The following EXOSC7 variants were observed in gnomAD, a reference collection of about 807,000 sequenced individuals.
The protein encoded by EXOSC7 is exosome component 7, also known as exosome complex component RRP42.
Under a neutral mutation model 34.3 loss-of-function variants are expected in EXOSC7, and 25 were observed. The ratio of observed to expected loss-of-function variants is 0.73; its 90% CI spans 0.53 to 1.02. The LOEUF is 1.02. Ranked by LOEUF, EXOSC7 falls within the 50% of genes least tolerant of loss-of-function variation. EXOSC7 has a pLI of 0.00. For synonymous variants in EXOSC7, 130 were observed against 143.0 expected (o/e 0.91, Z 0.65); for missense variants, 370 against 368.5 (o/e 1.00, Z -0.03).
chr3:44,987,270 A>G (rs1431378061), intron 1 of EXOSC7, among the ~76,000 whole-genome samples: 3 of 152,242 alleles, frequency 2.0e-5, no homozygotes, highest in Non-Finnish European at 4.4e-5. Flanking sequence ...AAATAGCATA[A>G]TACGGAGGAG....
chr3:44,987,576 C>A (rs1238307766), intron 1 of EXOSC7, among the ~76,000 whole-genome samples: 1 of 152,170 alleles, frequency 6.6e-6, no homozygotes, highest in African/African-American at 2.4e-5. Context: ...AAAAAAGTTA[C>A]AAGTTACAAA....
intron 1 of EXOSC7, among the ~76,000 whole-genome samples, chr3:44,979,942 TA>T (rs1360001423): frequency 2.0e-5 from 3 of 151,490 alleles, no homozygotes; most frequent in African/African-American, 7.3e-5. Flanking sequence ...TCTAGAGCAG[TA>T]TGGGGGGGGT....
chr3:45,002,743 A>G (rs1706916521), intron 5 of EXOSC7, among the ~76,000 whole-genome samples: 1 of 152,178 alleles, frequency 6.6e-6, no homozygotes, highest in African/African-American at 2.4e-5. Flanking sequence ...TTTAGAGCAG[A>G]CAAAAATTGC....
chr3:44,989,621 C>G lies in EXOSC7; in HGVS notation c.231C>G (p.Gly77=). The G allele has an allele frequency of 1.2e-6, 2 of 1,613,510 alleles. No homozygotes were observed. Reference sequence around the variant, plus strand: ...CGAAGCTGGAGAAACCAAATGAAGGCTACTTGGAGTTCTTTGTTGACTGGT... The same window carrying G: ...CGAAGCTGGAGAAACCAAATGAAGGGTACTTGGAGTTCTTTGTTGACTGGT... ...GTPKLEKPNE[G]YLEFFVDCSA... The change falls in exon 3 of 8, where the codon GGC becomes GGG. Residue 77 remains glycine, a synonymous_variant. Transcript: ENST00000265564.
At chr3:44,993,672 T>G (rs144415103) in intron 3 of EXOSC7, among the ~76,000 whole-genome samples, 1 of 152,242 alleles carries the variant, frequency 6.6e-6, no homozygotes, top group African/African-American at 2.4e-5. Context: ...GAGGGACTGG[T>G]CATGCTTTAT....
chr3:45,003,457 AC>A (rs896981587), intron 5 of EXOSC7, among the ~76,000 whole-genome samples: 5 of 152,274 alleles, frequency 3.3e-5, no homozygotes, highest in African/African-American at 1.2e-4. Context: ...GAAGACCCTT[AC>A]AGAACTCCTT....
chr3:44,991,494 T>C (rs1158686534), intron 3 of EXOSC7, among the ~76,000 whole-genome samples: 1 of 152,220 alleles, frequency 6.6e-6, no homozygotes, highest in Non-Finnish European at 1.5e-5. Context: ...CTTTTTCATC[T>C]CCTTCATTAC....
At chr3:44,994,445 A>G (rs1706661315) in intron 3 of EXOSC7, among the ~76,000 whole-genome samples, 1 of 151,338 alleles carries the variant, frequency 6.6e-6, no homozygotes, top group Admixed American at 6.6e-5. Context: ...TCTATTAGTT[A>G]TATGTGGCCC....
In EXOSC7 at chr3:44,977,477, A is replaced by G. The variant is rs559621252; in HGVS notation, c.57+1143A>G. ...CCTGCCGTTATCTTCTGGGCCCTTT[A>G]TATATGAAGAAATGCCAATATTTAG... On this transcript the variant is annotated intron_variant, in intron 1 of 7. Transcript: ENST00000265564. The G allele has an allele frequency of 3.3e-5, 5 of 152,314 alleles. No individual in the cohort carries two copies. In the South Asian group the frequency reaches 1.0e-3, roughly 32 times the overall value. 9.4% of individuals were successfully genotyped at this position (152,314 alleles called of 1,614,324 possible). A position where few individuals can be genotyped will look rare whatever the true frequency, so the allele number is the denominator to read the frequency against.
chr3:45,007,406 C>T lies in EXOSC7; in HGVS notation c.616-14C>T, dbSNP rs757529780. 1 of 1,613,838 alleles carries T rather than the reference C, an allele frequency of 6.2e-7. No individual in the cohort carries two copies. Among genetic ancestry groups the T allele is most frequent in the South Asian group, 1.1e-5 (1 of 90,954 alleles). ...TGCGTGACCCACCGTGTGCCACGCA[C>T]CCTGCCTTTGCAGATTGGCTATCGG... On this transcript the variant is annotated splice_polypyrimidine_tract_variant and intron_variant, in intron 6 of 7. Transcript: ENST00000265564.
rs117715243 is a variant in EXOSC7, at chr3:44,994,947, C to T, written c.255-2140C>T. Among the ~76,000 whole-genome samples, 78 of 144,974 alleles carry T rather than the reference C, an allele frequency of 5.4e-4. 5 individuals are homozygous for T. In the East Asian group the frequency reaches 0.015, roughly 27 times the overall value. On this transcript the variant is annotated intron_variant, in intron 3 of 7. Transcript: ENST00000265564. ...AATAGGTAAAAATTTCCACTTTAAC[C>T]CAGTGTCAAAAAAAAACCAGTGGGG... is the stretch of plus-strand genomic sequence containing the variant.
downstream of EXOSC7, chr3:45,012,197 C>T (rs1391867376): frequency 6.6e-6 from 1 of 152,106 alleles, no homozygotes; most frequent in East Asian, 1.9e-4. Context: ...ACTGAAACTC[C>T]TAAATCTTAA....
At chr3:44,986,508 C>A (rs776591002) in intron 1 of EXOSC7, among the ~76,000 whole-genome samples, 2 of 152,222 alleles carry the variant, frequency 1.3e-5, no homozygotes, top group African/African-American at 4.8e-5. Context: ...GCTGAGGGAG[C>A]CGGCTCCCAC....
chr3:44,985,913 T>A (rs1706397426), intron 1 of EXOSC7, among the ~76,000 whole-genome samples: 1 of 152,116 alleles, frequency 6.6e-6, no homozygotes, highest in South Asian at 2.1e-4. Context: ...ATTAGCTAGA[T>A]ACAGAGTGTA....
intron 1 of EXOSC7, among the ~76,000 whole-genome samples, chr3:44,976,636 G>A (rs1289811642): frequency 6.6e-6 from 1 of 152,216 alleles, no homozygotes; most frequent in Non-Finnish European, 1.5e-5. Flanking sequence ...CATCCATTCG[G>A]CGTTCGCGCA....
At chr3:45,012,663 T>G (rs1697319475), downstream of EXOSC7, 1 of 152,220 alleles carries the variant, frequency 6.6e-6, no homozygotes, top group African/African-American at 2.4e-5. Context: ...AAGCATTTGC[T>G]TTTGATGGTT....
intron 1 of EXOSC7, among the ~76,000 whole-genome samples, chr3:44,982,388 T>C (rs982607101): frequency 6.6e-6 from 1 of 152,210 alleles, no homozygotes; most frequent in Admixed American, 6.5e-5. Flanking sequence ...AATAAAGCTT[T>C]CCCAGGTTCA....
intron 3 of EXOSC7, 106 bp from the exon 4 acceptor site, chr3:44,996,981 A>G: frequency 8.8e-7 from 1 of 1,138,680 alleles, no homozygotes; most frequent in South Asian, 1.4e-5. Context: ...TCTGTCGAGC[A>G]GCTGGCTCTT....
intron 6 of EXOSC7, among the ~76,000 whole-genome samples, chr3:45,006,646 G>A (rs2125973494): frequency 6.6e-6 from 1 of 150,398 alleles, no homozygotes; most frequent in Middle Eastern, 3.4e-3. Context: ...TCGATCTCCT[G>A]ACCTCATGAT....
Sources: gnomAD v4.1 joint callset for allele counts (sites outside exome capture counted in the v4.1 genomes callset) on GRCh38, gnomAD v4.1.1 for gene constraint, MANE v1.5 for transcripts, NCBI Gene and HGNC (gene_info 2026-07-23, HGNC 2026-07-21) for gene names.